NODAL: variants seen among roughly 807,000 people sequenced by gnomAD.
The protein encoded by NODAL is nodal growth differentiation factor, also known as nodal homolog.
In NODAL, 12 loss-of-function variants were observed where a neutral mutation model predicts 34.0. That is an observed-to-expected ratio of 0.35 (90% CI 0.23 to 0.57). The LOEUF (loss-of-function observed/expected upper bound fraction) is 0.57. NODAL is among the 20% of genes least tolerant of loss of function. The pLI is 0.83. For synonymous variants in NODAL, 162 were observed against 186.4 expected, an observed-to-expected ratio of 0.87 and a Z score of 1.07; for missense variants, 390 against 444.2, an observed-to-expected ratio of 0.88 and a Z score of 1.10.
intron 1 of NODAL, chr10:70,447,785 C>T: frequency 2.3e-6 from 1 of 436,042 alleles, no homozygotes; most frequent in Non-Finnish European, 4.8e-6. Context: ...TGCCTAGGAG[C>T]AGGGGTGACC....
Position 70,432,691 on chromosome 10 carries a change from G to A in NODAL, c.*245C>T, listed in dbSNP as rs535102533. Reference sequence around the variant, plus strand: ...CTTGCCACTGTCTTTTCAGTAAAGAGAACATCCAGCCAGCCCCCTGCACAG... The same window carrying A: ...CTTGCCACTGTCTTTTCAGTAAAGAAAACATCCAGCCAGCCCCCTGCACAG... On this transcript the variant is annotated 3_prime_UTR_variant, in exon 3 of 3. Transcript: ENST00000287139. 3.1e-5 allele frequency: 17 copies of A among 550,086 alleles called. No individual in the cohort carries two copies. The highest frequency in any genetic ancestry group is 4.6e-5 in the Non-Finnish European group (14 of 306,360). The allele number at this position is 550,086 out of a possible 1,614,324, so 34.1% of individuals were successfully genotyped here.
chr10:70,441,173 C>T (rs561039750), intron 1 of NODAL, among the ~76,000 whole-genome samples: 1 of 152,390 alleles, frequency 6.6e-6, no homozygotes, highest in Admixed American at 6.5e-5. Context: ...TTCCGCGCTG[C>T]GCTCCGCGCA....
chr10:70,437,447 A>C (rs10740347), intron 1 of NODAL, among the ~76,000 whole-genome samples: 147,718 of 152,196 alleles, frequency 0.97, 71,850 homozygotes, highest in East Asian at 1. Flanking sequence ...GTCTCAACAA[A>C]AACAACAACA....
Position 70,433,174 on chromosome 10 carries a change from G to A in NODAL, c.892-86C>T, listed in dbSNP as rs113057443. 6.6e-4 allele frequency: 1,002 copies of A among 1,525,778 alleles called. 7 individuals carry two copies. The African/African-American group carries it at 0.011, about 17-fold the overall frequency. 94.5% of individuals were successfully genotyped at this position (1,525,778 alleles called of 1,614,324 possible). ...TCTGGGTAAAGAGTAAAAAAGTTAC[G>A]GAGTTAAAGTCAGTTCCTGAGTGCA... On this transcript the variant is annotated intron_variant, in intron 2 of 2. Transcript: ENST00000287139.
At chr10:70,440,432 G>C (rs1338040755) in intron 1 of NODAL, among the ~76,000 whole-genome samples, 4 of 152,182 alleles carry the variant, frequency 2.6e-5, no homozygotes, top group Non-Finnish European at 5.9e-5. Context: ...CCGGCTGTCT[G>C]ACCCCAGGCG....
Position 70,432,897 on chromosome 10 carries a change from C to A in NODAL, c.*39G>T. On this transcript the variant is annotated 3_prime_UTR_variant, in exon 3 of 3. Coordinates refer to ENST00000287139, the MANE Select transcript of NODAL (RefSeq NM_018055.5). ...TGTCTTCCAGGAGTTTCCCAGCCTT[C>A]CAGAGTGCAGGCAAATCCAGTCTCC... The A allele has an allele frequency of 6.2e-7, 1 of 1,612,590 alleles. No individual in the cohort carries two copies. Among genetic ancestry groups the A allele is most frequent in the Non-Finnish European group, 8.5e-7 (1 of 1,178,716 alleles).
In NODAL at chr10:70,432,521, T is replaced by A; in HGVS notation, c.*415A>T. The A allele has an allele frequency of 3.2e-6, 1 of 310,016 alleles. No homozygotes were observed. Among genetic ancestry groups the A allele is most frequent in the East Asian group, 8.0e-5 (1 of 12,526 alleles). 19.2% of individuals were successfully genotyped at this position (310,016 alleles called of 1,614,324 possible). ...GGAGGGGGACAGGTCACACACAGAC[T>A]ACTTTGGAGAATACATGAAAGCTAT... On this transcript the variant is annotated 3_prime_UTR_variant, in exon 3 of 3. Transcript: ENST00000287139.
chr10:70,439,734 ATG>A (rs1161680530), intron 1 of NODAL, among the ~76,000 whole-genome samples: 1 of 152,180 alleles, frequency 6.6e-6, no homozygotes, highest in Non-Finnish European at 1.5e-5. Flanking sequence ...CTCTTAGAAA[ATG>A]AGGCCAATTC....
In NODAL at chr10:70,432,782, TAC is replaced by T. The variant is rs966160234; in HGVS notation, c.*152_*153del. 2.5e-5 allele frequency: 21 copies of T among 835,872 alleles called. No individual in the cohort carries two copies. The African/African-American group carries it at 3.2e-4, about 13-fold the overall frequency. The allele number at this position is 835,872 out of a possible 1,614,324, so 51.8% of individuals were successfully genotyped here. ...GCCAGACTCCACTGAGCCCTTCATT[TAC>T]AGAGTGGGCAGCCCCTCCTCTTCAG... On this transcript the variant is annotated 3_prime_UTR_variant, in exon 3 of 3. Coordinates refer to ENST00000287139, the MANE Select transcript of NODAL (RefSeq NM_018055.5).
upstream of NODAL, among the ~76,000 whole-genome samples, chr10:70,443,565 C>T (rs574226809): frequency 2.8e-4 from 42 of 151,974 alleles, no homozygotes; most frequent in Non-Finnish European, 5.4e-4. Flanking sequence ...TGAGGCCAGA[C>T]GCAGTGGCTC....
chr10:70,437,398 G>A (rs771571630), intron 1 of NODAL, among the ~76,000 whole-genome samples: 1 of 152,136 alleles, frequency 6.6e-6, no homozygotes, highest in African/African-American at 2.4e-5. Flanking sequence ...CCGGGATCGC[G>A]CCACTGAACT....
rs1277590262 is a variant in NODAL, at chr10:70,435,972, C to A, written c.205G>T (p.Asp69Tyr). ...AAAGCAAACGTCCAGTTCTGCCCATCCACTGCCACATCTGGGTAGGAGAAA... is the reference window on the plus strand; with the variant it reads ...AAAGCAAACGTCCAGTTCTGCCCATACACTGCCACATCTGGGTAGGAGAAA... ...RSLQAEDVAV[D>Y]GQNWTFAFDF... The change falls in exon 2 of 3, where the codon GAT becomes TAT. Residue 69 changes from aspartate to tyrosine, a missense_variant. Physicochemically the swap from Asp to Tyr is radical, Grantham distance 160. Transcript: ENST00000287139. The A allele has an allele frequency of 1.2e-6, 2 of 1,614,170 alleles. No individual in the cohort carries two copies. The highest frequency in any genetic ancestry group is 3.3e-5 in the Admixed American group (2 of 60,034).
At chr10:70,439,250 A>G (rs1845396172) in intron 1 of NODAL, among the ~76,000 whole-genome samples, 1 of 151,714 alleles carries the variant, frequency 6.6e-6, no homozygotes, top group African/African-American at 2.4e-5. Flanking sequence ...TGATCCGACC[A>G]CCTCGGCCTC....
chr10:70,437,890 G>A (rs1273425052), intron 1 of NODAL, among the ~76,000 whole-genome samples: 1 of 152,036 alleles, frequency 6.6e-6, no homozygotes, highest in African/African-American at 2.4e-5. Context: ...GGCAATAACC[G>A]GCCCCTGACT....
intron 1 of NODAL, among the ~76,000 whole-genome samples, chr10:70,447,673 A>AG (rs1039574028): frequency 1.6e-5 from 1 of 60,810 alleles, no homozygotes; most frequent in African/African-American, 5.4e-5. Context: ...GAAAAAAAAA[A>AG]AGAAGAAGAA....
At chr10:70,440,650 T>C (rs934953892) in intron 1 of NODAL, among the ~76,000 whole-genome samples, 1 of 152,140 alleles carries the variant, frequency 6.6e-6, no homozygotes, top group Non-Finnish European at 1.5e-5. Flanking sequence ...ACCCACCTGC[T>C]CGCCGCGCTG....
At chr10:70,447,004 A>G (rs1845494791) in intron 1 of NODAL, among the ~76,000 whole-genome samples, 1 of 151,646 alleles carries the variant, frequency 6.6e-6, no homozygotes, top group Non-Finnish European at 1.5e-5. Flanking sequence ...ATCAAGACAC[A>G]GTTTAAAAGT....
At chr10:70,438,366 C>T (rs553675598) in intron 1 of NODAL, among the ~76,000 whole-genome samples, 1 of 152,240 alleles carries the variant, frequency 6.6e-6, no homozygotes, top group South Asian at 2.1e-4. Flanking sequence ...GAGCAGGGGC[C>T]CCCAAGTCTC....
chr10:70,436,352 C>T (rs552159297), intron 1 of NODAL: 21 of 339,868 alleles, frequency 6.2e-5, no homozygotes, highest in South Asian at 5.2e-4. Flanking sequence ...TGCATCTCCC[C>T]CTCCCCTGTC....
Sources: gnomAD v4.1 joint callset for allele counts (sites outside exome capture counted in the v4.1 genomes callset) on GRCh38, gnomAD v4.1.1 for gene constraint, MANE v1.5 for transcripts, NCBI Gene and HGNC (gene_info 2026-07-23, HGNC 2026-07-21) for gene names.